Variants in TOP1MT observed in about 807,000 individuals in gnomAD.
TOP1MT encodes DNA topoisomerase I, mitochondrial.
TOP1MT carries 80 observed loss-of-function variants against 73.9 expected under a neutral mutation model. The ratio of observed to expected loss-of-function variants is 1.08; its 90% CI spans 0.90 to 1.30. The LOEUF is 1.30. TOP1MT is among the 50% of genes most tolerant of loss of function. TOP1MT has a pLI of 0.00. For missense variants in TOP1MT, 815 were observed against 808.0 expected (o/e 1.01, Z -0.10); for synonymous variants, 338 against 326.4 (o/e 1.04, Z -0.38).
chr8:143,324,181 T>C, intron 6 of TOP1MT, 39 bp from the exon 7 acceptor site: 1 of 1,607,592 alleles, frequency 6.2e-7, no homozygotes, highest in South Asian at 1.1e-5. Flanking sequence ...ACATTCACAT[T>C]CCTGTTAAAT....
At chr8:143,327,464 G>A (rs1421924467) in intron 3 of TOP1MT, 1 of 159,058 alleles carries the variant, frequency 6.3e-6, no homozygotes, top group Non-Finnish European at 1.4e-5. Flanking sequence ...AGGAGCTGCT[G>A]TCAAACGTGT....
chr8:143,309,903 C>T (rs779687593), intron 13 of TOP1MT, 165 bp downstream of exon 13: 2 of 1,577,140 alleles, frequency 1.3e-6, no homozygotes, highest in Non-Finnish European at 1.7e-6. Context: ...GCAGGGAGAG[C>T]TGATGACACA....
intron 2 of TOP1MT, among the ~76,000 whole-genome samples, chr8:143,329,996 G>A (rs1304884044): frequency 6.6e-6 from 1 of 152,156 alleles, no homozygotes; most frequent in African/African-American, 2.4e-5. Context: ...GTGGGAACGA[G>A]GGTGTTCACC....
chr8:143,338,339 G>A (rs931872178), upstream of TOP1MT, among the ~76,000 whole-genome samples: 22 of 152,056 alleles, frequency 1.4e-4, no homozygotes, highest in Admixed American at 1.0e-3. Flanking sequence ...AGGCCAAGGC[G>A]GGCGGATCAC....
At chr8:143,318,433 T>A (rs1816237122) in intron 8 of TOP1MT, among the ~76,000 whole-genome samples, 1 of 152,146 alleles carries the variant, frequency 6.6e-6, no homozygotes, top group African/African-American at 2.4e-5. Flanking sequence ...TGTGAGACAC[T>A]CATCTGACAT....
upstream of TOP1MT, among the ~76,000 whole-genome samples, chr8:143,336,467 C>T (rs566561809): frequency 6.6e-6 from 1 of 152,248 alleles, no homozygotes; most frequent in African/African-American, 2.4e-5. Flanking sequence ...TACAAAACCC[C>T]GCAGCTAACC....
At chr8:143,357,660 G>A (rs538646803), upstream of TOP1MT, among the ~76,000 whole-genome samples, 16 of 152,168 alleles carry the variant, frequency 1.1e-4, no homozygotes, top group African/African-American at 3.1e-4. Flanking sequence ...GGTGGCTCAC[G>A]CCTGTAATCC....
At chr8:143,356,445 A>G (rs1817408829), upstream of TOP1MT, among the ~76,000 whole-genome samples, 2 of 152,250 alleles carry the variant, frequency 1.3e-5, no homozygotes, top group Admixed American at 6.5e-5. Flanking sequence ...TTTTAAATTT[A>G]TCTAAGTAAA....
chr8:143,321,770 ACACACACGCACGC>A (rs1223156711), intron 7 of TOP1MT, among the ~76,000 whole-genome samples: 35 of 98,450 alleles, frequency 3.6e-4, no homozygotes, highest in South Asian at 8.1e-4. Context: ...CAGGCACGCC[ACACACACGCACGC>A]CACACACGCA....
chr8:143,327,580 G>C, intron 3 of TOP1MT: 1 of 197,396 alleles, frequency 5.1e-6, no homozygotes, highest in Non-Finnish European at 1.1e-5. Flanking sequence ...CTCAGGGTCC[G>C]TCCCTGTGTC....
intron 3 of TOP1MT, chr8:143,327,199 G>A (rs893365692): frequency 5.9e-5 from 9 of 152,254 alleles, no homozygotes; most frequent in African/African-American, 1.4e-4. Context: ...GAGACTAAGC[G>A]GGATAAAATG....
intron 7 of TOP1MT, among the ~76,000 whole-genome samples, chr8:143,323,737 C>T (rs113691697): frequency 0.014 from 964 of 70,448 alleles, 47 homozygotes; most frequent in African/African-American, 0.042. Context: ...CACACATGCA[C>T]GCCACACACA....
chr8:143,331,665 C>T (rs532743046), intron 1 of TOP1MT: 1 of 246,550 alleles, frequency 4.1e-6, no homozygotes, highest in East Asian at 7.7e-5. Flanking sequence ...GGCCTCTCCC[C>T]AGATGGGTCC....
At chr8:143,327,708 G>A (rs562101930) in intron 3 of TOP1MT, 32 of 406,704 alleles carry the variant, frequency 7.9e-5, no homozygotes, top group East Asian at 1.6e-4. Flanking sequence ...TGAGGATGCC[G>A]GGCAGCTGGT....
chr8:143,317,216 G>GCAGCGC (rs1156750213), intron 10 of TOP1MT, among the ~76,000 whole-genome samples: 1 of 152,224 alleles, frequency 6.6e-6, no homozygotes, highest in Non-Finnish European at 1.5e-5. Flanking sequence ...CGGAGCAGGG[G>GCAGCGC]CAGCGCCAGG....
At chr8:143,339,198 A>C (rs1304610096), upstream of TOP1MT, among the ~76,000 whole-genome samples, 1 of 152,214 alleles carries the variant, frequency 6.6e-6, no homozygotes, top group Non-Finnish European at 1.5e-5. Flanking sequence ...ACTGCAAAAG[A>C]AACAGTGACT....
rs1238849945 is a variant in TOP1MT at position 143,321,677 on chromosome 8, A to G, written c.961-291T>C. Among the ~76,000 whole-genome samples the G allele has an allele frequency of 5.0e-5, 6 of 120,858 alleles. 1 individual carries two copies. The highest frequency in any genetic ancestry group is 8.3e-5 in the Non-Finnish European group (5 of 59,960). The allele number at this position is 120,858 out of a possible 152,430, so 79.3% of individuals were successfully genotyped here. On this transcript the variant is annotated intron_variant, in intron 7 of 13. Transcript: ENST00000329245. ...CACGCCACACACACGCACGCCACACACGCACGCCACGCACGCACGCCACGC... is the reference window on the plus strand; with the variant it reads ...CACGCCACACACACGCACGCCACACGCGCACGCCACGCACGCACGCCACGC...
intron 7 of TOP1MT, among the ~76,000 whole-genome samples, chr8:143,322,355 G>T (rs1214403410): frequency 1.7e-5 from 1 of 57,720 alleles, no homozygotes; most frequent in African/African-American, 6.3e-5. Context: ...CGCCACACAC[G>T]CACGCCACAC....
chr8:143,348,754 A>G (rs1817272269), upstream of TOP1MT, among the ~76,000 whole-genome samples: 1 of 152,086 alleles, frequency 6.6e-6, no homozygotes, highest in Non-Finnish European at 1.5e-5. The surrounding 1 kb of genome is among the most constrained non-coding windows in gnomAD (Gnocchi z 4.6). Flanking sequence ...ATGGAGGGGC[A>G]TGGAGAATGG....
Sources: gnomAD v4.1 joint callset for allele counts (sites outside exome capture counted in the v4.1 genomes callset) on GRCh38, gnomAD v4.1.1 for gene constraint, Gnocchi (gnomAD v3.1) non-coding constraint, MANE v1.5 for transcripts, NCBI Gene and HGNC (gene_info 2026-07-23, HGNC 2026-07-21) for gene names.